The following ARFGEF3 variants were observed in gnomAD, a reference collection of about 807,000 sequenced individuals.
The protein encoded by ARFGEF3 is brefeldin A-inhibited guanine nucleotide-exchange protein 3.
Under a neutral mutation model 221.7 loss-of-function variants are expected in ARFGEF3, and 96 were observed. The observed-to-expected ratio is 0.43, with a 90% CI of 0.37 to 0.51. The LOEUF is 0.51. Ranked by LOEUF, ARFGEF3 falls within the 20% of genes least tolerant of loss-of-function variation. The pLI is 0.00. For missense variants in ARFGEF3, 2,410 were observed against 2,789.9 expected, an observed-to-expected ratio of 0.86 and a Z score of 3.07; for synonymous variants, 1,145 against 1,126.8, an observed-to-expected ratio of 1.02 and a Z score of -0.32.
Position 138,307,913 on chromosome 6 carries a change from G to C in ARFGEF3, c.3973+516G>C, listed in dbSNP as rs139370803. 3.9e-4 allele frequency among the ~76,000 whole-genome samples: 60 copies of C among 152,264 alleles called. No homozygotes were observed. In the East Asian group the frequency reaches 8.3e-3, roughly 21 times the overall value. ...TATGTTGAGATTTATTACACAGCTC[G>C]TGACTAAGTTTTAGCAACGTAGGAA... On this transcript the variant is annotated intron_variant, in intron 23 of 33. Coordinates refer to ENST00000251691, the MANE Select transcript of ARFGEF3 (RefSeq NM_020340.5).
chr6:138,224,549 A>G (rs1778044453), intron 4 of ARFGEF3, among the ~76,000 whole-genome samples: 1 of 152,240 alleles, frequency 6.6e-6, no homozygotes, highest in African/African-American at 2.4e-5. Flanking sequence ...AATAATGAGT[A>G]GGCACATAGA....
At chr6:138,191,060 A>G (rs1305436154) in intron 2 of ARFGEF3, among the ~76,000 whole-genome samples, 2 of 152,102 alleles carry the variant, frequency 1.3e-5, no homozygotes, top group South Asian at 2.1e-4. Flanking sequence ...CACTGCCCCA[A>G]TTCCTGTGAG....
chr6:138,256,326 T>C (rs1038179899), intron 10 of ARFGEF3, among the ~76,000 whole-genome samples: 33 of 152,170 alleles, frequency 2.2e-4, no homozygotes, highest in Admixed American at 1.6e-3. Flanking sequence ...GAATTAGGGT[T>C]ATTCTGAAGG....
At chr6:138,238,409 T>G in intron 5 of ARFGEF3, 100 bp from the exon 6 acceptor site, 1 of 1,284,696 alleles carries the variant, frequency 7.8e-7, no homozygotes, top group Non-Finnish European at 1.1e-6. Context: ...TGACTTTCTG[T>G]TTAAGAGGGA....
At position 138,162,925 on chromosome 6, in the gene ARFGEF3, G is replaced by A. The variant is rs1931868; in HGVS notation, c.85+754G>A. Among the ~76,000 whole-genome samples the A allele has an allele frequency of 0.12, 18,836 of 152,202 alleles. 1,705 individuals carry two copies. Among genetic ancestry groups the A allele is most frequent in the East Asian group, 0.43 (2,240 of 5,166 alleles). On this transcript the variant is annotated intron_variant, in intron 1 of 33. Coordinates refer to ENST00000251691, the MANE Select transcript of ARFGEF3 (RefSeq NM_020340.5). This position sits in a 1 kb window ranked among gnomAD's most constrained non-coding sequence, Gnocchi z 4.7. ...GATCAGAAGCATACTTTGGGTGATGGTGATGCTTTTTAGAAAGGAAAGGCC... is the reference window on the plus strand; with the variant it reads ...GATCAGAAGCATACTTTGGGTGATGATGATGCTTTTTAGAAAGGAAAGGCC...
chr6:138,305,205 A>G (rs1043460871), intron 22 of ARFGEF3, among the ~76,000 whole-genome samples: 1 of 152,128 alleles, frequency 6.6e-6, no homozygotes, highest in African/African-American at 2.4e-5. Context: ...GAACACCTCC[A>G]AACCCATTTT....
intron 2 of ARFGEF3, 138 bp from the exon 3 acceptor site, chr6:138,206,904 C>G: frequency 1.6e-6 from 1 of 644,494 alleles, no homozygotes; most frequent in East Asian, 2.8e-5. Flanking sequence ...CTCTTAAGCC[C>G]ATGTGCATTT....
At chr6:138,275,701 A>ATG (rs1779083778) in intron 12 of ARFGEF3, among the ~76,000 whole-genome samples, 2 of 151,090 alleles carry the variant, frequency 1.3e-5, no homozygotes, top group African/African-American at 4.9e-5. Flanking sequence ...CCAAGATCGC[A>ATG]CCACTGCACT....
intron 4 of ARFGEF3, chr6:138,218,425 T>C (rs1295946247): frequency 5.3e-6 from 8 of 1,500,104 alleles, no homozygotes; most frequent in Non-Finnish European, 7.1e-6. Flanking sequence ...ATTGTAGCTC[T>C]GTAGCATAGA....
intron 4 of ARFGEF3, among the ~76,000 whole-genome samples, chr6:138,228,596 C>CA (rs963752172): frequency 3.3e-4 from 50 of 150,750 alleles, no homozygotes; most frequent in South Asian, 1.3e-3. Context: ...CTAAATATGG[C>CA]AAAAAAAAAT....
intron 32 of ARFGEF3, 51 bp from the exon 33 acceptor site, chr6:138,333,919 C>T: frequency 6.5e-7 from 1 of 1,542,714 alleles, no homozygotes. Flanking sequence ...CTTTGAGACA[C>T]CTGATATAGG....
chr6:138,182,156 G>T (rs1321525686), intron 2 of ARFGEF3, among the ~76,000 whole-genome samples: 2 of 152,166 alleles, frequency 1.3e-5, no homozygotes, highest in African/African-American at 4.8e-5. Context: ...TATGTAGCTG[G>T]CCAAGCTCCT....
intron 4 of ARFGEF3, among the ~76,000 whole-genome samples, chr6:138,212,772 A>G (rs1264474366): frequency 1.3e-5 from 2 of 152,180 alleles, no homozygotes; most frequent in Non-Finnish European, 2.9e-5. Flanking sequence ...AAACTATCAC[A>G]AGGACAGAAA....
At chr6:138,233,683 T>C (rs932581653) in intron 5 of ARFGEF3, among the ~76,000 whole-genome samples, 1 of 152,198 alleles carries the variant, frequency 6.6e-6, no homozygotes, top group Non-Finnish European at 1.5e-5. Context: ...GGCCAATACT[T>C]CTTTTACTCT....
chr6:138,226,924 C>T (rs1778095217), intron 4 of ARFGEF3, among the ~76,000 whole-genome samples: 1 of 152,106 alleles, frequency 6.6e-6, no homozygotes, highest in South Asian at 2.1e-4. Context: ...CACCATCAGC[C>T]CTGTAATTAA....
intron 31 of ARFGEF3, among the ~76,000 whole-genome samples, chr6:138,324,930 C>T (rs1780102912): frequency 6.6e-6 from 1 of 152,218 alleles, no homozygotes; most frequent in South Asian, 2.1e-4. Context: ...TAAATGCCAT[C>T]CCCGAATTCA....
chr6:138,303,339 G>A (rs1779659501), intron 22 of ARFGEF3, among the ~76,000 whole-genome samples: 1 of 152,176 alleles, frequency 6.6e-6, no homozygotes, highest in South Asian at 2.1e-4. Context: ...CAAAAAGGAT[G>A]TGATATGTAA....
chr6:138,272,218 C>T (rs1038363404), intron 12 of ARFGEF3, among the ~76,000 whole-genome samples: 7 of 152,054 alleles, frequency 4.6e-5, no homozygotes, highest in South Asian at 4.1e-4. Context: ...TGCAGTGGCA[C>T]GATCTCGGCT....
intron 4 of ARFGEF3, among the ~76,000 whole-genome samples, chr6:138,220,577 T>G (rs1777966945): frequency 6.6e-6 from 1 of 152,202 alleles, no homozygotes. Context: ...CTACTGAAAT[T>G]TTAGGCTAGA....
Sources: allele counts gnomAD v4.1 joint callset (sites outside exome capture counted in the v4.1 genomes callset), GRCh38; gene constraint gnomAD v4.1.1; non-coding constraint Gnocchi (gnomAD v3.1); transcripts MANE v1.5; gene names NCBI Gene and HGNC (gene_info 2026-07-23, HGNC 2026-07-21).